The following FGFBP2 variants were observed in gnomAD, a reference collection of about 807,000 sequenced individuals.
The protein encoded by FGFBP2 is fibroblast growth factor-binding protein 2.
In FGFBP2, 7 loss-of-function variants were observed where a neutral mutation model predicts 7.3. That is an observed-to-expected ratio of 0.96 (90% CI 0.55 to 1.81). FGFBP2 has a LOEUF of 1.81. Among genes scored for constraint, FGFBP2 ranks in the 40% most tolerant of loss-of-function variants. The pLI is 0.00. For synonymous variants in FGFBP2, 131 were observed against 110.2 expected (o/e 1.19, Z -1.18); for missense variants, 291 against 280.1 (o/e 1.04, Z -0.28).
chr4:15,962,230 T>C lies in FGFBP2; in HGVS notation c.*20+208A>G, dbSNP rs184881431. On this transcript the variant is annotated intron_variant, in intron 1 of 1. Coordinates refer to ENST00000259989, the MANE Select transcript of FGFBP2 (RefSeq NM_031950.4). ...TTTAGAGCTCCTTGTAGGTGATTCC[T>C]ATGCAACTCCAGGGTCAAGTGCCAC... is the stretch of plus-strand genomic sequence containing the variant. Among the ~76,000 whole-genome samples the C allele has an allele frequency of 5.9e-5, 9 of 152,186 alleles. No individual in the cohort carries two copies. In the East Asian group the frequency reaches 1.5e-3, roughly 26 times the overall value.
chr4:15,962,487 C>T lies in FGFBP2; in HGVS notation c.643G>A (p.Ala215Thr), dbSNP rs146871123. Residue 215 changes from alanine to threonine, a missense_variant, in exon 1 of 2, where the codon GCC becomes ACC. Transcript: ENST00000259989. ...CCTCGGAAGAAGCTGATGAGAAAGG[C>T]GCACAGGGCCTGGAAGGGTTTCCAA... ...HCWKPFQALC[A>T]FLISFFRG 83 of 1,576,972 alleles carry T rather than the reference C, an allele frequency of 5.3e-5. No homozygotes were observed. The highest frequency in any genetic ancestry group is 6.7e-5 in the East Asian group (3 of 44,502).
Position 15,962,902 on chromosome 4 carries a change from C to A in FGFBP2, c.228G>T (p.Gly76=). The change falls in exon 1 of 2, where the codon GGG becomes GGT. Residue 76 remains glycine (G), a synonymous_variant. Transcript: ENST00000259989. ...CGAAAGCCTGGCACATGCTGGGCTG[C>A]CCCCTGTACTCACACCAGTAGGTCT... ...TDQTYWCEYR[G]QPSMCQAFAA... The A allele has an allele frequency of 1.3e-6, 2 of 1,573,338 alleles. No individual in the cohort carries two copies. Among genetic ancestry groups the A allele is most frequent in the South Asian group, 1.1e-5 (1 of 88,148 alleles).
At chr4:15,960,731 A>G (rs141443464) in intron 1 of FGFBP2, 120 bp from the exon 2 acceptor site, 12 of 152,306 alleles carry the variant, frequency 7.9e-5, no homozygotes, top group African/African-American at 2.9e-4. Flanking sequence ...CTTAAGTCCT[A>G]ACCTCCAGTA....
At position 15,962,463 on chromosome 4, in the gene FGFBP2, C is replaced by T; in HGVS notation, c.667G>A (p.Gly223Arg). The stretch of plus-strand genomic sequence containing the variant: ...CTGTAGGGGTCTTTCACCTGTCACC[C>T]TCGGAAGAAGCTGATGAGAAAGGCG... Reference protein sequence around the residue: ...LCAFLISFFRG With the variant: ...LCAFLISFFRR Residue 223 changes from glycine to arginine, a missense_variant, in exon 1 of 2, where the codon GGG (glycine) becomes AGG (arginine). Gly to Arg is a moderately radical substitution (Grantham distance 125). Coordinates refer to ENST00000259989, the MANE Select transcript of FGFBP2 (RefSeq NM_031950.4). 1 of 1,553,780 alleles carries T rather than the reference C, an allele frequency of 6.4e-7. No homozygotes were observed. The highest frequency in any genetic ancestry group is 8.7e-7 in the Non-Finnish European group (1 of 1,149,444).
intron 1 of FGFBP2, among the ~76,000 whole-genome samples, chr4:15,961,825 CAATT>C (rs927773063): frequency 2.6e-4 from 40 of 152,250 alleles, no homozygotes; most frequent in Admixed American, 2.0e-3. Context: ...GAACAAAAAA[CAATT>C]AAAGGCTTTG....
At chr4:15,960,907 G>A (rs1401733898) in intron 1 of FGFBP2, among the ~76,000 whole-genome samples, 1 of 152,192 alleles carries the variant, frequency 6.6e-6, no homozygotes, top group East Asian at 1.9e-4. Context: ...TGCCATCTAT[G>A]AGTCAAGGAG....
In FGFBP2 at chr4:15,960,768, T is replaced by C. The variant is rs545741737; in HGVS notation, c.*21-157A>G. Among the ~76,000 whole-genome samples, 109 of 152,218 alleles carry C rather than the reference T, an allele frequency of 7.2e-4. 2 individuals are homozygous for C. Among genetic ancestry groups the C allele is most frequent in the African/African-American group, 2.6e-3 (106 of 41,550 alleles). On this transcript the variant is annotated intron_variant, in intron 1 of 1. Transcript: ENST00000259989. ...CTCAGGGAGCGTTTGTATTTAAAGATAGGGGCCATTAAAGAGGTGGTTAAG... is the reference window on the plus strand; with the variant it reads ...CTCAGGGAGCGTTTGTATTTAAAGACAGGGGCCATTAAAGAGGTGGTTAAG...
intron 1 of FGFBP2, 104 bp from the exon 2 acceptor site, chr4:15,960,715 C>G (rs148356336): frequency 6.6e-6 from 1 of 151,954 alleles, no homozygotes; most frequent in Non-Finnish European, 1.5e-5. Flanking sequence ...ACCTAAAAAC[C>G]GTAGACTTAA....
Position 15,962,901 on chromosome 4 carries a change from G to GC in FGFBP2, c.228dup (p.Gln77AlafsTer11), listed in dbSNP as rs752039553. 43 of 1,573,662 alleles carry GC rather than the reference G, an allele frequency of 2.7e-5. No homozygotes were observed. The highest frequency in any genetic ancestry group is 3.5e-5 in the Non-Finnish European group (41 of 1,159,708). ...GCGAAAGCCTGGCACATGCTGGGCT[G>GC]CCCCCTGTACTCACACCAGTAGGTC... is the stretch of plus-strand genomic sequence containing the variant. On this transcript the variant is annotated frameshift_variant, in exon 1 of 2. Transcript: ENST00000259989. LOFTEE classifies it high-confidence loss of function.
chr4:15,962,057 C>G (rs1370955349), intron 1 of FGFBP2, among the ~76,000 whole-genome samples: 3 of 152,202 alleles, frequency 2.0e-5, no homozygotes, highest in Non-Finnish European at 2.9e-5. Flanking sequence ...CTCGGTCTAA[C>G]AGTGAGGTGG....
intron 1 of FGFBP2, among the ~76,000 whole-genome samples, chr4:15,961,348 A>T (rs940044684): frequency 1.3e-5 from 2 of 152,274 alleles, no homozygotes; most frequent in South Asian, 4.1e-4. Flanking sequence ...ACCTCCTCTC[A>T]ATAGTAACTT....
intron 1 of FGFBP2, 72 bp downstream of exon 1, chr4:15,962,366 G>GC: frequency 7.8e-7 from 1 of 1,283,926 alleles, no homozygotes; most frequent in Non-Finnish European, 1.0e-6. Flanking sequence ...AGTGCTAAGT[G>GC]CCTCTCACGT....
At chr4:15,960,829 T>C (rs548345264) in intron 1 of FGFBP2, among the ~76,000 whole-genome samples, 25 of 152,200 alleles carry the variant, frequency 1.6e-4, no homozygotes, top group African/African-American at 6.0e-4. Context: ...CTTCATCCAG[T>C]GTGAATGGTA....
chr4:15,962,345 G>A, intron 1 of FGFBP2, 93 bp downstream of exon 1: 1 of 1,132,122 alleles, frequency 8.8e-7, no homozygotes. Context: ...TGTGGTCGCA[G>A]CAGCTGTGAA....
chr4:15,962,185 G>A (rs768415426), intron 1 of FGFBP2, among the ~76,000 whole-genome samples: 14 of 152,166 alleles, frequency 9.2e-5, no homozygotes, highest in Non-Finnish European at 1.9e-4. Context: ...GGTCTGGCGA[G>A]GGGCCTGGGC....
At position 15,962,809 on chromosome 4, in the gene FGFBP2, CT is replaced by C. The variant is rs763414081; in HGVS notation, c.320del (p.Gln107ArgfsTer23). The C allele has an allele frequency of 6.3e-7, 1 of 1,575,178 alleles. No homozygotes were observed. Among genetic ancestry groups the C allele is most frequent in the African/African-American group, 1.3e-5 (1 of 74,182 alleles). ...QELRRLHHAC[Q>X]GAPVLRPSVC... ...CGGATGGCCTAAGCACCGGGGCCCC[CT>C]GGCACGCATGGTGAAGGCGCCTCAG... On this transcript the variant is annotated frameshift_variant, in exon 1 of 2. Coordinates refer to ENST00000259989, the MANE Select transcript of FGFBP2 (RefSeq NM_031950.4). LOFTEE classifies it low-confidence loss of function (END_TRUNC).
rs190983284 is a variant in FGFBP2 at position 15,961,015 on chromosome 4, A to G, written c.*21-404T>C. ...TATATTTCTGCTGTTTAAGCCACCCATTCTGTGGTATTTTGCTATGGCAGC... is the reference window on the plus strand; with the variant it reads ...TATATTTCTGCTGTTTAAGCCACCCGTTCTGTGGTATTTTGCTATGGCAGC... On this transcript the variant is annotated intron_variant, in intron 1 of 1. Coordinates refer to ENST00000259989, the MANE Select transcript of FGFBP2 (RefSeq NM_031950.4). 4.6e-5 allele frequency among the ~76,000 whole-genome samples: 7 copies of G among 152,366 alleles called. No homozygotes were observed. The East Asian group carries it at 1.3e-3, about 29-fold the overall frequency.
intron 1 of FGFBP2, among the ~76,000 whole-genome samples, chr4:15,961,608 T>G (rs1203270622): frequency 6.6e-6 from 1 of 152,230 alleles, no homozygotes; most frequent in Non-Finnish European, 1.5e-5. Context: ...TCAGAAACTC[T>G]CCTTTTAAAC....
At chr4:15,961,108 G>C (rs562542734) in intron 1 of FGFBP2, among the ~76,000 whole-genome samples, 1 of 152,316 alleles carries the variant, frequency 6.6e-6, no homozygotes, top group Admixed American at 6.5e-5. Context: ...TTGAGCTTTA[G>C]CGCCTGTATG....
Sources: gnomAD v4.1 joint callset for allele counts (sites outside exome capture counted in the v4.1 genomes callset) on GRCh38, gnomAD v4.1.1 for gene constraint, MANE v1.5 for transcripts, NCBI Gene and HGNC (gene_info 2026-07-23, HGNC 2026-07-21) for gene names.